Variants in CNTN5 observed in about 807,000 individuals in gnomAD.
CNTN5 encodes contactin 5.
In CNTN5, 77 loss-of-function variants were observed where a neutral mutation model predicts 129.1. The observed-to-expected ratio is 0.60, with a 90% CI of 0.50 to 0.72. The LOEUF is 0.72. Ranked by LOEUF, CNTN5 falls within the 30% of genes least tolerant of loss-of-function variation. The pLI, the probability that CNTN5 is intolerant of heterozygous loss-of-function variation, is 0.00. For synonymous variants in CNTN5, 509 were observed against 465.6 expected, an observed-to-expected ratio of 1.09 and a Z score of -1.20; for missense variants, 1,478 against 1,328.8, an observed-to-expected ratio of 1.11 and a Z score of -1.75.
chr11:100,307,899 A>G (rs535258840), intron 20 of CNTN5, among the ~76,000 whole-genome samples: 2 of 151,856 alleles, frequency 1.3e-5, no homozygotes, highest in South Asian at 4.1e-4. Context: ...AAATACTCTC[A>G]TTATAGTCAT....
chr11:100,082,235 T>C (rs770278843), intron 13 of CNTN5, among the ~76,000 whole-genome samples: 2 of 152,120 alleles, frequency 1.3e-5, no homozygotes, highest in Non-Finnish European at 2.9e-5. Context: ...ATAGTCCATA[T>C]AGGAAAAATT....
At chr11:100,208,523 T>G (rs1948960535) in intron 15 of CNTN5, among the ~76,000 whole-genome samples, 1 of 152,140 alleles carries the variant, frequency 6.6e-6, no homozygotes, top group South Asian at 2.1e-4. Flanking sequence ...GACTCAGAAC[T>G]TGCTCAAAGA....
chr11:99,355,066 T>C (rs1231889911), intron 2 of CNTN5, among the ~76,000 whole-genome samples: 1 of 152,210 alleles, frequency 6.6e-6, no homozygotes, highest in Non-Finnish European at 1.5e-5. Flanking sequence ...GCTTGCTCCC[T>C]TATTTTATTT....
chr11:99,334,602 T>G (rs1488590587), intron 2 of CNTN5, among the ~76,000 whole-genome samples: 1 of 152,082 alleles, frequency 6.6e-6, no homozygotes, highest in African/African-American at 2.4e-5. Context: ...TATTGTTAAT[T>G]AAGTTTGTAC....
At chr11:100,050,336 G>T (rs1252343882) in intron 9 of CNTN5, among the ~76,000 whole-genome samples, 3 of 152,074 alleles carry the variant, frequency 2.0e-5, no homozygotes, top group African/African-American at 7.2e-5. Flanking sequence ...GGACATGGAT[G>T]AAATTGGAAA....
intron 1 of CNTN5, among the ~76,000 whole-genome samples, chr11:99,127,092 C>A (rs747579326): frequency 7.2e-5 from 11 of 152,128 alleles, no homozygotes; most frequent in Non-Finnish European, 4.4e-5. Flanking sequence ...CTCAATAGTT[C>A]ATGGTCTGTT....
chr11:99,264,773 T>C (rs1374308058), intron 1 of CNTN5, among the ~76,000 whole-genome samples: 2 of 152,130 alleles, frequency 1.3e-5, no homozygotes, highest in Non-Finnish European at 2.9e-5. Flanking sequence ...TGTATTAGTA[T>C]AAGATATTGT....
At chr11:99,136,261 A>G (rs1859212782) in intron 1 of CNTN5, among the ~76,000 whole-genome samples, 1 of 152,120 alleles carries the variant, frequency 6.6e-6, no homozygotes, top group African/African-American at 2.4e-5. Flanking sequence ...CTCACCTCTC[A>G]TTAGGGTAGA....
At chr11:99,156,910 T>G (rs1038278263) in intron 1 of CNTN5, among the ~76,000 whole-genome samples, 2 of 152,056 alleles carry the variant, frequency 1.3e-5, no homozygotes, top group African/African-American at 4.8e-5. Flanking sequence ...TTAATGGAAC[T>G]GTATACAGAG....
intron 13 of CNTN5, among the ~76,000 whole-genome samples, chr11:100,169,510 G>C (rs1038687178): frequency 6.6e-6 from 1 of 151,952 alleles, no homozygotes; most frequent in African/African-American, 2.4e-5. Context: ...CTTCACCAGC[G>C]AAAAGATTAG....
At chr11:100,010,643 G>GC (rs1038055839) in intron 9 of CNTN5, among the ~76,000 whole-genome samples, 61 of 152,060 alleles carry the variant, frequency 4.0e-4, no homozygotes, top group African/African-American at 1.4e-3. Context: ...CAGAACCCTT[G>GC]CCCCAGTACC....
intron 3 of CNTN5, among the ~76,000 whole-genome samples, chr11:99,678,930 C>T (rs1953421111): frequency 1.3e-5 from 2 of 149,902 alleles, no homozygotes; most frequent in African/African-American, 4.9e-5. Context: ...TCTTTGACCA[C>T]ATTTTTTATT....
At chr11:99,796,318 T>C (rs1328454651) in intron 3 of CNTN5, among the ~76,000 whole-genome samples, 1 of 151,824 alleles carries the variant, frequency 6.6e-6, no homozygotes, top group Admixed American at 6.6e-5. Context: ...CATAGCGTGG[T>C]GGAGTGCATA....
chr11:99,729,662 G>A lies in CNTN5; in HGVS notation c.56-89882G>A, dbSNP rs186698891. Among the ~76,000 whole-genome samples the A allele has an allele frequency of 1.7e-3, 256 of 152,208 alleles. 2 individuals carry two copies. Among genetic ancestry groups the A allele is most frequent in the African/African-American group, 5.7e-3 (236 of 41,532 alleles). ...CAAGGAACCAACCCAATGTCTATCA[G>A]TGATAGACTGGATAAAGAAAATATG... On this transcript the variant is annotated intron_variant, in intron 3 of 24. Coordinates refer to ENST00000524871, the MANE Select transcript of CNTN5 (RefSeq NM_014361.4).
chr11:100,075,582 G>C (rs1444998570), intron 13 of CNTN5, among the ~76,000 whole-genome samples: 3 of 151,752 alleles, frequency 2.0e-5, no homozygotes, highest in Non-Finnish European at 4.4e-5. Context: ...AAAAGTATGT[G>C]ATCTAATGGT....
At chr11:99,612,135 C>T (rs1322034360) in intron 3 of CNTN5, among the ~76,000 whole-genome samples, 6 of 152,184 alleles carry the variant, frequency 3.9e-5, no homozygotes, top group Non-Finnish European at 5.9e-5. Flanking sequence ...TGAGGTACAT[C>T]ATATTATTTA....
In CNTN5 at chr11:99,507,710, T is replaced by G. The variant is rs1014972188; in HGVS notation, c.-70-48435T>G. 2.0e-5 allele frequency among the ~76,000 whole-genome samples: 3 copies of G among 152,220 alleles called. No individual in the cohort carries two copies. In the East Asian group the frequency reaches 5.8e-4, roughly 29 times the overall value. Reference sequence around the variant, plus strand: ...TTTAAAAATATTGGCAGTAAACATTTTAACCTCACAAGTGTGACTCAACTT... The same window carrying G: ...TTTAAAAATATTGGCAGTAAACATTGTAACCTCACAAGTGTGACTCAACTT... On this transcript the variant is annotated intron_variant, in intron 2 of 24. Coordinates refer to ENST00000524871, the MANE Select transcript of CNTN5 (RefSeq NM_014361.4).
intron 3 of CNTN5, among the ~76,000 whole-genome samples, chr11:99,613,678 T>C (rs1181691802): frequency 9.5e-6 from 1 of 104,866 alleles, no homozygotes; most frequent in Non-Finnish European, 1.8e-5. Context: ...AAAATCCTTA[T>C]AGTAAAGTAA....
chr11:99,632,467 G>C (rs116292652), intron 3 of CNTN5, among the ~76,000 whole-genome samples: 187 of 152,112 alleles, frequency 1.2e-3, no homozygotes, highest in African/African-American at 4.3e-3. Flanking sequence ...CAAAGGCCCA[G>C]GATTACACAG....
Sources: gnomAD v4.1 joint callset for allele counts (sites outside exome capture counted in the v4.1 genomes callset) on GRCh38, gnomAD v4.1.1 for gene constraint, MANE v1.5 for transcripts, NCBI Gene and HGNC (gene_info 2026-07-23, HGNC 2026-07-21) for gene names.